Variants in CNKSR2 observed in about 807,000 individuals in gnomAD.
CNKSR2 encodes connector enhancer of kinase suppressor of Ras 2, also known as CNK homolog protein 2.
CNKSR2 carries 14 observed loss-of-function variants against 84.4 expected under a neutral mutation model. The ratio of observed to expected loss-of-function variants is 0.17; its 90% CI spans 0.11 to 0.26. The LOEUF is 0.26. CNKSR2 is among the 10% of genes least tolerant of loss of function. The pLI is 1.00. For synonymous variants in CNKSR2, 275 were observed against 277.9 expected (o/e 0.99, Z 0.10); for missense variants, 485 against 771.2 (o/e 0.63, Z 4.40).
At chrX:21,502,702 A>G (rs911914209) in intron 8 of CNKSR2, among the ~76,000 whole-genome samples, 10 of 111,877 alleles carry the variant, frequency 8.9e-5, no homozygotes, top group East Asian at 2.8e-4. Flanking sequence ...TGTCTCTTCA[A>G]TAAGTTCATT....
At chrX:21,415,181 A>G (rs2090399517) in intron 1 of CNKSR2, among the ~76,000 whole-genome samples, 1 of 111,796 alleles carries the variant, frequency 8.9e-6, no homozygotes, top group African/African-American at 3.3e-5. Flanking sequence ...CTTCCAATCC[A>G]TGAACATGAA....
At chrX:21,618,294 T>A (rs1441370050) in intron 20 of CNKSR2, among the ~76,000 whole-genome samples, 2 of 111,564 alleles carry the variant, frequency 1.8e-5, no homozygotes, top group Non-Finnish European at 3.8e-5. Flanking sequence ...CGTAGGTACA[T>A]CTTGGCCTAA....
chrX:21,407,363 T>C (rs1024911298), intron 1 of CNKSR2, among the ~76,000 whole-genome samples: 3 of 111,742 alleles, frequency 2.7e-5, no homozygotes, highest in African/African-American at 9.7e-5. Context: ...GATGCCATAG[T>C]AGAACCTTTG....
intron 12 of CNKSR2, 82 bp downstream of exon 12, chrX:21,561,642 GCTT>G: frequency 1.4e-6 from 1 of 693,369 alleles, no homozygotes; most frequent in Non-Finnish European, 2.2e-6. Context: ...GATTGTTATG[GCTT>G]CAGTGGAAAA....
At chrX:21,413,947 A>G (rs777236634) in intron 1 of CNKSR2, among the ~76,000 whole-genome samples, 2 of 110,739 alleles carry the variant, frequency 1.8e-5, no homozygotes, top group Non-Finnish European at 1.9e-5. Flanking sequence ...TACCAATGAC[A>G]TTCTTCACAG....
At chrX:21,387,908 T>G (rs888183123) in intron 1 of CNKSR2, among the ~76,000 whole-genome samples, 3 of 111,507 alleles carry the variant, frequency 2.7e-5, no homozygotes, top group African/African-American at 9.8e-5. Flanking sequence ...TCCTACTTTT[T>G]TTTTTGTTTG....
intron 20 of CNKSR2, among the ~76,000 whole-genome samples, 190 bp from the exon 21 acceptor site, chrX:21,648,641 T>G (rs2147345940): frequency 9.1e-6 from 1 of 110,022 alleles, no homozygotes; most frequent in African/African-American, 3.3e-5. Flanking sequence ...CAGCTGTGGG[T>G]TTTTGTTGTT....
intron 1 of CNKSR2, among the ~76,000 whole-genome samples, chrX:21,415,425 A>G (rs376301034): frequency 3.3e-4 from 36 of 110,475 alleles, no homozygotes; most frequent in African/African-American, 1.2e-3. Context: ...TACTGAATTT[A>G]TCACTTCTAA....
intron 13 of CNKSR2, among the ~76,000 whole-genome samples, chrX:21,587,088 A>G (rs1331721144): frequency 1.8e-5 from 2 of 112,206 alleles, no homozygotes; most frequent in African/African-American, 3.2e-5. Context: ...TTAGGGATAA[A>G]GAGAAAAATA....
chrX:21,620,874 A>G (rs2092598769), intron 20 of CNKSR2, among the ~76,000 whole-genome samples: 1 of 111,055 alleles, frequency 9.0e-6, no homozygotes, highest in Non-Finnish European at 1.9e-5. Context: ...TGGGCTCCTC[A>G]TTACTCGAAG....
intron 11 of CNKSR2, among the ~76,000 whole-genome samples, chrX:21,548,045 A>G (rs1423660957): frequency 2.7e-5 from 3 of 112,004 alleles, no homozygotes; most frequent in African/African-American, 9.7e-5. Flanking sequence ...AAACACATTC[A>G]AAAGCTAGCA....
chrX:21,571,044 T>TTTTGAAGC (rs2092280193), intron 13 of CNKSR2, among the ~76,000 whole-genome samples: 1 of 112,278 alleles, frequency 8.9e-6, no homozygotes, highest in Non-Finnish European at 1.9e-5. Flanking sequence ...TCAGCCTGTC[T>TTTTGAAGC]TTTGAAGCTT....
intron 2 of CNKSR2, chrX:21,428,491 A>G (rs921147185): frequency 4.9e-4 from 55 of 111,894 alleles, no homozygotes; most frequent in Non-Finnish European, 6.0e-4. Context: ...CATCAGATAT[A>G]TTGTTTGCAT....
intron 13 of CNKSR2, among the ~76,000 whole-genome samples, chrX:21,579,617 C>T (rs1354457218): frequency 1.8e-5 from 2 of 112,088 alleles, no homozygotes; most frequent in African/African-American, 3.2e-5. Context: ...AAATACACTT[C>T]TTCATTTGCT....
chrX:21,465,374 A>T (rs2091113653), intron 4 of CNKSR2, among the ~76,000 whole-genome samples: 1 of 111,223 alleles, frequency 9.0e-6, no homozygotes, highest in Non-Finnish European at 1.9e-5. Flanking sequence ...AAATGAATGC[A>T]AGGAAGAGAG....
At chrX:21,430,651 A>G (rs778831222) in intron 2 of CNKSR2, among the ~76,000 whole-genome samples, 6 of 112,186 alleles carry the variant, frequency 5.3e-5, no homozygotes, top group Non-Finnish European at 7.5e-5. Flanking sequence ...CACAGGGAAA[A>G]CTTCTGAAAA....
intron 8 of CNKSR2, chrX:21,506,741 C>T (rs2091616476): frequency 1.8e-5 from 2 of 111,205 alleles, no homozygotes; most frequent in African/African-American, 3.3e-5. Flanking sequence ...CTAGCTTTAC[C>T]AGGAAGAGTA....
intron 13 of CNKSR2, among the ~76,000 whole-genome samples, chrX:21,590,041 C>T: frequency 9.0e-6 from 1 of 111,018 alleles, no homozygotes; most frequent in Middle Eastern, 4.6e-3. Flanking sequence ...CTGACATCAT[C>T]TACATGAAGA....
intron 4 of CNKSR2, among the ~76,000 whole-genome samples, chrX:21,452,753 C>CATT (rs1555922681): frequency 3.5e-5 from 3 of 86,853 alleles, no homozygotes; most frequent in African/African-American, 1.5e-4. Context: ...ACAAGCATGA[C>CATT]TTATTTTATT....
Sources: gnomAD v4.1 joint callset for allele counts (sites outside exome capture counted in the v4.1 genomes callset) on GRCh38, gnomAD v4.1.1 for gene constraint, MANE v1.5 for transcripts, NCBI Gene and HGNC (gene_info 2026-07-23, HGNC 2026-07-21) for gene names.